ZXDC: variants seen among roughly 807,000 people sequenced by gnomAD.
ZXDC encodes zinc finger protein ZXDC.
Under a neutral mutation model 63.6 loss-of-function variants are expected in ZXDC, and 58 were observed. The observed-to-expected ratio is 0.91, with a 90% CI of 0.74 to 1.13. The LOEUF is 1.13. Among genes scored for constraint, ZXDC ranks in the 50% most tolerant of loss-of-function variants. ZXDC has a pLI of 0.00. For missense variants in ZXDC, 1,133 were observed against 1,148.9 expected (o/e 0.99, Z 0.20); for synonymous variants, 561 against 496.1 (o/e 1.13, Z -1.74).
At chr3:126,452,904 AATT>A (rs1290101188) in intron 7 of ZXDC, 4 of 499,660 alleles carry the variant, frequency 8.0e-6, no homozygotes, top group African/African-American at 4.2e-5. Context: ...ACGCGTGGCT[AATT>A]ATTATTTTTT....
intron 7 of ZXDC, among the ~76,000 whole-genome samples, chr3:126,455,452 A>G (rs1397913978): frequency 6.6e-6 from 1 of 152,182 alleles, no homozygotes; most frequent in African/African-American, 2.4e-5. Flanking sequence ...TGGATTCTAT[A>G]TACCATCCTC....
chr3:126,453,221 C>CAT (rs1161590049), intron 7 of ZXDC: 1 of 985,114 alleles, frequency 1.0e-6, no homozygotes, highest in Admixed American at 6.1e-5. Context: ...ATACAGTTAA[C>CAT]ATGATATCTG....
intron 8 of ZXDC, chr3:126,441,415 TG>T (rs3215023): frequency 0.34 from 369,350 of 1,096,002 alleles, 63,035 homozygotes; most frequent in East Asian, 0.45. Context: ...AAGGGCAGGG[TG>T]GCCTCAAACA....
rs989053491 is a variant in ZXDC, at chr3:126,438,104, A to G, written c.*271T>C. 11 of 524,870 alleles carry G rather than the reference A, an allele frequency of 2.1e-5. No homozygotes were observed. Among genetic ancestry groups the G allele is most frequent in the South Asian group, 1.5e-4 (7 of 47,626 alleles). 32.5% of individuals were successfully genotyped at this position (524,870 alleles called of 1,614,324 possible). A position where few individuals can be genotyped will look rare whatever the true frequency, so the allele number is the denominator to read the frequency against. ...CTCAGATCCAACGGGACACGGGGAA[A>G]GAGGCTGTAGTGCACCTAGCCCTGC... On this transcript the variant is annotated 3_prime_UTR_variant, in exon 10 of 10. Transcript: ENST00000389709.
chr3:126,461,921 G>C lies in ZXDC; in HGVS notation c.1741C>G (p.Pro581Ala). 6.2e-7 allele frequency: 1 copy of C among 1,614,162 alleles called. No homozygotes were observed. Among genetic ancestry groups the C allele is most frequent in the South Asian group, 1.1e-5 (1 of 91,072 alleles). ...HSDIPPSLDS[P>A]LVLGTAATVL... ...GTGGCTGCTGTCCCGAGAACCAGAGGGCTGTCCAGGCTTGGGGGAATATCA... is the reference window on the plus strand; with the variant it reads ...GTGGCTGCTGTCCCGAGAACCAGAGCGCTGTCCAGGCTTGGGGGAATATCA... Residue 581 changes from proline to alanine, a missense_variant, in exon 6 of 10, where the codon CCT becomes GCT. Physicochemically the swap from Pro to Ala is conservative, Grantham distance 27. Transcript: ENST00000389709.
At position 126,461,630 on chromosome 3, in the gene ZXDC, T is replaced by A. The variant is rs1295846674; in HGVS notation, c.2032A>T (p.Ser678Cys). The change falls in exon 6 of 10, where the codon AGC (serine) becomes TGC (cysteine). Residue 678 changes from serine (S) to cysteine (C), a missense_variant. By Grantham distance (112) the Ser-to-Cys change is moderately radical (BLOSUM62 -1). Transcript: ENST00000389709. ...AACGTGGACTGGGGCAGCCCATGGC[T>A]TCCTTCCTGCTGCCCAACTGCTCCT... is the stretch of plus-strand genomic sequence containing the variant. Reference protein sequence around the residue: ...RPGAVGQQEGSHGLPQSTLPS... With the variant: ...RPGAVGQQEGCHGLPQSTLPS... 1.2e-6 allele frequency: 2 copies of A among 1,613,936 alleles called. No individual in the cohort carries two copies. The highest frequency in any genetic ancestry group is 1.7e-6 in the Non-Finnish European group (2 of 1,180,000).
At chr3:126,468,295 T>C (rs1934853870) in intron 4 of ZXDC, among the ~76,000 whole-genome samples, 1 of 150,192 alleles carries the variant, frequency 6.7e-6, no homozygotes, top group Non-Finnish European at 1.5e-5. Context: ...GTCTGTGGCC[T>C]TGTCCTTTCC....
At chr3:126,473,746 T>C (rs1011935614) in intron 1 of ZXDC, among the ~76,000 whole-genome samples, 1 of 152,232 alleles carries the variant, frequency 6.6e-6, no homozygotes, top group Admixed American at 6.5e-5. Flanking sequence ...AAATTCTTGT[T>C]TAAGGACATT....
At chr3:126,454,064 A>T (rs796088197) in intron 7 of ZXDC, 1,040 of 643,882 alleles carry the variant, frequency 1.6e-3, no homozygotes, top group African/African-American at 5.5e-3. Flanking sequence ...ATATATATAT[A>T]TTTTTTTTTT....
intron 7 of ZXDC, among the ~76,000 whole-genome samples, chr3:126,458,356 C>G (rs1560097314): frequency 6.6e-6 from 1 of 151,858 alleles, no homozygotes; most frequent in South Asian, 2.1e-4. Flanking sequence ...CCTGCCTCAG[C>G]CTCCCAAGTA....
chr3:126,447,757 C>T (rs1182264971), intron 7 of ZXDC, among the ~76,000 whole-genome samples: 2 of 152,236 alleles, frequency 1.3e-5, no homozygotes, highest in South Asian at 2.1e-4. Context: ...CTGCCCTGTT[C>T]GGCCTCTGTG....
intron 5 of ZXDC, among the ~76,000 whole-genome samples, chr3:126,463,315 C>A (rs948159891): frequency 9.2e-5 from 14 of 152,148 alleles, no homozygotes; most frequent in Non-Finnish European, 1.2e-4. Flanking sequence ...GTGATCGGCC[C>A]GCCTGGGCCT....
rs1193691704 is a variant in ZXDC, at chr3:126,475,057, C to T, written c.809G>A (p.Cys270Tyr). Reference sequence around the variant, plus strand: ...GGGGAAGCGCTCGGCGCACACCTCGCACTTGAACAGGCTCTCCTGCTCGTG... The same window carrying T: ...GGGGAAGCGCTCGGCGCACACCTCGTACTTGAACAGGCTCTCCTGCTCGTG... The part of the protein sequence containing the change: ...KGHEQESLFK[C>Y]EVCAERFPTH... Residue 270 changes from cysteine to tyrosine, a missense_variant, in exon 1 of 10, where the codon TGC (cysteine) becomes TAC (tyrosine). Transcript: ENST00000389709. 1 of 1,604,252 alleles carries T rather than the reference C, an allele frequency of 6.2e-7. No homozygotes were observed. The highest frequency in any genetic ancestry group is 8.5e-7 in the Non-Finnish European group (1 of 1,175,510).
chr3:126,468,996 A>G lies in ZXDC; in HGVS notation c.1270+1899T>C, dbSNP rs928231565. Among the ~76,000 whole-genome samples the G allele has an allele frequency of 2.0e-5, 3 of 152,340 alleles. No homozygotes were observed. The East Asian group carries it at 5.8e-4, about 29-fold the overall frequency. ...AATCACAACAACGACAGTAACTGACATATATACTGATGTTTTCCATATGCG... is the reference window on the plus strand; with the variant it reads ...AATCACAACAACGACAGTAACTGACGTATATACTGATGTTTTCCATATGCG... On this transcript the variant is annotated intron_variant, in intron 4 of 9. Transcript: ENST00000389709.
At chr3:126,450,899 C>G (rs1443979496) in intron 7 of ZXDC, among the ~76,000 whole-genome samples, 1 of 152,202 alleles carries the variant, frequency 6.6e-6, no homozygotes, top group Non-Finnish European at 1.5e-5. Context: ...TAGGCTGGGA[C>G]CAGCAAGCCA....
At chr3:126,452,178 G>A in intron 7 of ZXDC, 1 of 985,402 alleles carries the variant, frequency 1.0e-6, no homozygotes. Flanking sequence ...CCCAGCACCA[G>A]AACATGCTTT....
intron 6 of ZXDC, chr3:126,460,246 TG>T: frequency 1.4e-6 from 1 of 727,544 alleles, no homozygotes; most frequent in Non-Finnish European, 1.7e-6. Flanking sequence ...TTCAGGAACT[TG>T]CCTGAGGGAG....
At chr3:126,442,450 C>T (rs921671542) in intron 7 of ZXDC, 16 of 152,168 alleles carry the variant, frequency 1.1e-4, no homozygotes, top group African/African-American at 3.9e-4. Flanking sequence ...TGAAGTAAAG[C>T]ACAAAGAAAA....
Position 126,461,680 on chromosome 3 carries a change from A to C in ZXDC, c.1982T>G (p.Val661Gly), listed in dbSNP as rs779847085. ...SVPELLAPIK[V>G]EPDSPSRPGA... ...TGGGCGAGAAGGCGAGTCCGGCTCC[A>C]CCTTGATTGGAGCCAGCAGTTCCGG... The change falls in exon 6 of 10, where the codon GTG becomes GGG. Residue 661 changes from valine (V) to glycine (G), a missense_variant. Val to Gly is a moderately radical substitution (Grantham distance 109). Transcript: ENST00000389709. 1 of 1,609,208 alleles carries C rather than the reference A, an allele frequency of 6.2e-7. No homozygotes were observed. Among genetic ancestry groups the C allele is most frequent in the East Asian group, 2.2e-5 (1 of 44,622 alleles).
Sources: gnomAD v4.1 joint callset for allele counts (sites outside exome capture counted in the v4.1 genomes callset) on GRCh38, gnomAD v4.1.1 for gene constraint, MANE v1.5 for transcripts, NCBI Gene and HGNC (gene_info 2026-07-23, HGNC 2026-07-21) for gene names.